The following MFSD6L variants were observed in gnomAD, a reference collection of about 807,000 sequenced individuals.
The protein encoded by MFSD6L is major facilitator superfamily domain containing 6 like, also known as major facilitator superfamily domain-containing protein 6-like.
A neutral mutation model predicts 6.4 loss-of-function variants in MFSD6L; 9 were observed. That is an observed-to-expected ratio of 1.42 (90% confidence interval 0.85 to 2.47). The LOEUF (loss-of-function observed/expected upper bound fraction) is 2.47. MFSD6L is among the 30% of genes most tolerant of loss of function. MFSD6L has a pLI of 0.00. For synonymous variants in MFSD6L, 336 were observed against 322.4 expected (o/e 1.04, Z -0.45); for missense variants, 747 against 730.6 (o/e 1.02, Z -0.26).
In MFSD6L at chr17:8,798,513, A is replaced by C. The variant is rs1324573793; in HGVS notation, c.608T>G (p.Phe203Cys). The part of the protein sequence containing the change: ...GLKDHPWEVT[F>C]EVVKTALPLL... ...GGGGAGGGCTGTCTTGACCACCTCA[A>C]AAGTAACTTCCCAGGGATGATCTTT... Residue 203 changes from phenylalanine to cysteine, a missense_variant, in exon 1 of 1, where the codon TTT becomes TGT. By Grantham distance (205) the Phe-to-Cys change is radical (BLOSUM62 -2). Transcript: ENST00000329805. 2 of 1,612,352 alleles carry C rather than the reference A, an allele frequency of 1.2e-6. No individual in the cohort carries two copies. The highest frequency in any genetic ancestry group is 1.3e-5 in the African/African-American group (1 of 75,020).
Position 8,797,892 on chromosome 17 carries a change from C to A in MFSD6L, c.1229G>T (p.Ser410Ile). The A allele has an allele frequency of 6.2e-7, 1 of 1,614,086 alleles. No homozygotes were observed. The highest frequency in any genetic ancestry group is 1.7e-5 in the Admixed American group (1 of 60,026). The change falls in exon 1 of 1, where the codon AGC (serine) becomes ATC (isoleucine). Residue 410 changes from serine to isoleucine, a missense_variant. Transcript: ENST00000329805. ...ELVMGFSVAL[S>I]LLGEILLHPF... is the part of the protein sequence containing the mutation. ...ATGAAGCAGAATTTCCCCCAGCAAGCTGAGGGCGACCGAGAAACCCATGAC... is the reference window on the plus strand; with the variant it reads ...ATGAAGCAGAATTTCCCCCAGCAAGATGAGGGCGACCGAGAAACCCATGAC...
chr17:8,797,615 A>G lies in MFSD6L; in HGVS notation c.1506T>C (p.Ser502=), dbSNP rs1218364386. ...SALFRGHFYG[S]GCSLGSFVGG... Reference sequence around the variant, plus strand: ...CGACAAAGCTGCCCAGGCTACAGCCACTCCCGTAAAAGTGGCCTCGGAACA... The same window carrying G: ...CGACAAAGCTGCCCAGGCTACAGCCGCTCCCGTAAAAGTGGCCTCGGAACA... The change falls in exon 1 of 1, where the codon AGT becomes AGC. Residue 502 remains serine (S), a synonymous_variant. Coordinates refer to ENST00000329805, the MANE Select transcript of MFSD6L (RefSeq NM_152599.4). 1.2e-6 allele frequency: 2 copies of G among 1,613,230 alleles called. No homozygotes were observed. Among genetic ancestry groups the G allele is most frequent in the Non-Finnish European group, 1.7e-6 (2 of 1,179,958 alleles).
Position 8,798,599 on chromosome 17 carries a change from G to C in MFSD6L, c.522C>G (p.Pro174=). The change falls in exon 1 of 1, where the codon CCC becomes CCG. Residue 174 remains proline, a synonymous_variant. Transcript: ENST00000329805. ...TFRDLHVYLA[P]SVEGARTTSQ... is the part of the protein sequence containing the mutation. Reference sequence around the variant, plus strand: ...ATGTGGTCCTAGCTCCTTCAACGGAGGGCGCTAAGTAGACGTGCAGATCAC... The same window carrying C: ...ATGTGGTCCTAGCTCCTTCAACGGACGGCGCTAAGTAGACGTGCAGATCAC... The C allele has an allele frequency of 6.2e-7, 1 of 1,614,212 alleles. No homozygotes were observed. Among genetic ancestry groups the C allele is most frequent in the Non-Finnish European group, 8.5e-7 (1 of 1,180,042 alleles).
At position 8,798,476 on chromosome 17, in the gene MFSD6L, C is replaced by G; in HGVS notation, c.645G>C (p.Gly215=). Residue 215 remains glycine, a synonymous_variant, in exon 1 of 1, where the codon GGG becomes GGC. Coordinates refer to ENST00000329805, the MANE Select transcript of MFSD6L (RefSeq NM_152599.4). ...TGGCTGGATTCCCGGGCCCTTTCCC[C>G]CCAGGAAGCAAGGGGAGGGCTGTCT... ...VVKTALPLLP[G]GKGPGNPANL... is the part of the protein sequence containing the mutation. 2 of 1,607,376 alleles carry G rather than the reference C, an allele frequency of 1.2e-6. No homozygotes were observed. The highest frequency in any genetic ancestry group is 2.2e-5 in the South Asian group (2 of 90,270).
In MFSD6L at chr17:8,798,367, A is replaced by G. The variant is rs1567554238; in HGVS notation, c.754T>C (p.Ser252Pro). ...GTCAGCAGCTCCCAGAACGCCACGG[A>G]CCCCAAGGAGAGGATAAAAGTCCGC... ...LRRTFILSLG[S>P]VAFWELLTAP... Residue 252 changes from serine to proline, a missense_variant, in exon 1 of 1, where the codon TCC becomes CCC. Physicochemically the swap from Ser to Pro is moderately conservative, Grantham distance 74. Coordinates refer to ENST00000329805, the MANE Select transcript of MFSD6L (RefSeq NM_152599.4). 1 of 1,612,546 alleles carries G rather than the reference A, an allele frequency of 6.2e-7. No individual in the cohort carries two copies. Among genetic ancestry groups the G allele is most frequent in the South Asian group, 1.1e-5 (1 of 91,056 alleles).
Position 8,798,078 on chromosome 17 carries a change from T to C in MFSD6L, c.1043A>G (p.Gln348Arg). ...SIAFPIPICQQWEPSYKRVKA... is the reference protein window; with the variant it reads ...SIAFPIPICQRWEPSYKRVKA... The stretch of plus-strand genomic sequence containing the variant: ...GACCCTTTTGTAGCTGGGCTCCCAC[T>C]GCTGACAGATGGGAATGGGAAAGGC... The change falls in exon 1 of 1, where the codon CAG (glutamine) becomes CGG (arginine). Residue 348 changes from glutamine to arginine, a missense_variant. Transcript: ENST00000329805. 4 of 1,613,950 alleles carry C rather than the reference T, an allele frequency of 2.5e-6. No homozygotes were observed. Among genetic ancestry groups the C allele is most frequent in the Non-Finnish European group, 3.4e-6 (4 of 1,179,978 alleles).
At position 8,797,497 on chromosome 17, in the gene MFSD6L, G is replaced by C. The variant is rs1290098461; in HGVS notation, c.1624C>G (p.Gln542Glu). The change falls in exon 1 of 1, where the codon CAG becomes GAG. Residue 542 changes from glutamine (Q) to glutamate (E), a missense_variant. Physicochemically the swap from Gln to Glu is conservative, Grantham distance 29. Transcript: ENST00000329805. ...LLWLALLLSI[Q>E]RRLPRERKIK... ...TTCCGCTCTCGGGGCAGCCTCCGCT[G>C]TATGGACAGGAGCAAGGCCAACCAG... 2 of 1,614,148 alleles carry C rather than the reference G, an allele frequency of 1.2e-6. No homozygotes were observed. The highest frequency in any genetic ancestry group is 1.7e-6 in the Non-Finnish European group (2 of 1,180,014).
rs1307054076 is a variant in MFSD6L, at chr17:8,798,112, C to T, written c.1009G>A (p.Val337Met). 1.2e-6 allele frequency: 2 copies of T among 1,614,034 alleles called. No homozygotes were observed. The highest frequency in any genetic ancestry group is 8.5e-7 in the Non-Finnish European group (1 of 1,180,002). Reference protein sequence around the residue: ...YSVVSTLALLVSIAFPIPICQ... With the variant: ...YSVVSTLALLMSIAFPIPICQ... ...ATGGGAATGGGAAAGGCAATGCTCA[C>T]CAGTAAGGCCAGGGTGCTGACCACC... The change falls in exon 1 of 1, where the codon GTG becomes ATG. Residue 337 changes from valine (V) to methionine (M), a missense_variant. Physicochemically the swap from Val to Met is conservative, Grantham distance 21. Transcript: ENST00000329805.
In MFSD6L at chr17:8,798,619, G is replaced by C; in HGVS notation, c.502C>G (p.Leu168Val). Reference protein sequence around the residue: ...GESDRETFRDLHVYLAPSVEG... With the variant: ...GESDRETFRDVHVYLAPSVEG... Reference sequence around the variant, plus strand: ...ACGGAGGGCGCTAAGTAGACGTGCAGATCACGGAAAGTTTCTCGGTCACTT... The same window carrying C: ...ACGGAGGGCGCTAAGTAGACGTGCACATCACGGAAAGTTTCTCGGTCACTT... The change falls in exon 1 of 1, where the codon CTG becomes GTG. Residue 168 changes from leucine (L) to valine (V), a missense_variant. Leu to Val is a conservative substitution (Grantham distance 32). Coordinates refer to ENST00000329805, the MANE Select transcript of MFSD6L (RefSeq NM_152599.4). The C allele has an allele frequency of 6.2e-7, 1 of 1,614,194 alleles. No homozygotes were observed. Among genetic ancestry groups the C allele is most frequent in the Non-Finnish European group, 8.5e-7 (1 of 1,180,046 alleles).
rs764711132 is a variant in MFSD6L at position 8,798,929 on chromosome 17, G to C, written c.192C>G (p.Pro64=). 2 of 1,613,846 alleles carry C rather than the reference G, an allele frequency of 1.2e-6. No individual in the cohort carries two copies. Among genetic ancestry groups the C allele is most frequent in the Non-Finnish European group, 1.7e-6 (2 of 1,179,862 alleles). Residue 64 remains proline (P), a synonymous_variant, in exon 1 of 1, where the codon CCC becomes CCG. Transcript: ENST00000329805. ...TKHLIAAFWA[P]VCAFLAKSYR... ...AGCTTTTGGCCAGGAAGGCACAGAC[G>C]GGAGCCCAGAAGGCAGCGATTAGGT...
rs1477232298 is a variant in MFSD6L at position 8,798,131 on chromosome 17, G to A, written c.990C>T (p.Val330=). ...TGCTCACCAGTAAGGCCAGGGTGCT[G>A]ACCACCGAGTACCCATAGAAGTGGA... ...GVVHFYGYSV[V]STLALLVSIA... The change falls in exon 1 of 1, where the codon GTC becomes GTT. Residue 330 remains valine, a synonymous_variant. Transcript: ENST00000329805. 2 of 1,613,754 alleles carry A rather than the reference G, an allele frequency of 1.2e-6. No individual in the cohort carries two copies. Among genetic ancestry groups the A allele is most frequent in the African/African-American group, 2.7e-5 (2 of 74,878 alleles).
Position 8,798,926 on chromosome 17 carries a change from G to C in MFSD6L, c.195C>G (p.Val65=), listed in dbSNP as rs753455965. The C allele has an allele frequency of 1.2e-6, 2 of 1,613,962 alleles. No homozygotes were observed. The highest frequency in any genetic ancestry group is 1.7e-6 in the Non-Finnish European group (2 of 1,179,914). ...KHLIAAFWAP[V]CAFLAKSYRK... ...GGTAGCTTTTGGCCAGGAAGGCACAGACGGGAGCCCAGAAGGCAGCGATTA... is the reference window on the plus strand; with the variant it reads ...GGTAGCTTTTGGCCAGGAAGGCACACACGGGAGCCCAGAAGGCAGCGATTA... The change falls in exon 1 of 1, where the codon GTC becomes GTG. Residue 65 remains valine (V), a synonymous_variant. Transcript: ENST00000329805.
In MFSD6L at chr17:8,797,519, C is replaced by G. The variant is rs764074393; in HGVS notation, c.1602G>C (p.Trp534Cys). The change falls in exon 1 of 1, where the codon TGG becomes TGC. Residue 534 changes from tryptophan to cysteine, a missense_variant. Transcript: ENST00000329805. Reference protein sequence around the residue: ...YQACCVALLLWLALLLSIQRR... With the variant: ...YQACCVALLLCLALLLSIQRR... ...GCTGTATGGACAGGAGCAAGGCCAACCAGAGCAACAGGGCCACACAGCAGG... is the reference window on the plus strand; with the variant it reads ...GCTGTATGGACAGGAGCAAGGCCAAGCAGAGCAACAGGGCCACACAGCAGG... 6.2e-7 allele frequency: 1 copy of G among 1,614,062 alleles called. No homozygotes were observed. Among genetic ancestry groups the G allele is most frequent in the Admixed American group, 1.7e-5 (1 of 60,014 alleles).
Position 8,799,247 on chromosome 17 carries a change from G to T in MFSD6L, c.-127C>A. ...TCGGAGCGAGTGGGACTGCGCCCCC[G>T]GTCTGGGGCGGCGCCGCGGTCACCA... is the stretch of plus-strand genomic sequence containing the variant. On this transcript the variant is annotated 5_prime_UTR_variant, in exon 1 of 1. Transcript: ENST00000329805. This position sits in a 1 kb window ranked among gnomAD's most constrained non-coding sequence, Gnocchi z 5.3. 2.6e-6 allele frequency: 2 copies of T among 771,784 alleles called. No homozygotes were observed. Among genetic ancestry groups the T allele is most frequent in the Non-Finnish European group, 3.7e-6 (2 of 536,424 alleles). The allele number at this position is 771,784 out of a possible 1,614,324, so 47.8% of individuals were successfully genotyped here. A position where few individuals can be genotyped will look rare whatever the true frequency, so the allele number is the denominator to read the frequency against.
In MFSD6L at chr17:8,797,753, G is replaced by T; in HGVS notation, c.1368C>A (p.Ser456=). The change falls in exon 1 of 1, where the codon TCC becomes TCA. Residue 456 remains serine (S), a synonymous_variant. Transcript: ENST00000329805. ...LYYSFLWSWW[S]VLPIQILSAI... ...CACTCAAGATCTGAATGGGGAGGACGGACCACCAGCTCCAGAGGAAAGAGT... is the reference window on the plus strand; with the variant it reads ...CACTCAAGATCTGAATGGGGAGGACTGACCACCAGCTCCAGAGGAAAGAGT... 6.2e-7 allele frequency: 1 copy of T among 1,613,994 alleles called. No homozygotes were observed. Among genetic ancestry groups the T allele is most frequent in the Non-Finnish European group, 8.5e-7 (1 of 1,180,036 alleles).
At position 8,798,602 on chromosome 17, in the gene MFSD6L, C is replaced by A. The variant is rs779896310; in HGVS notation, c.519G>T (p.Ala173=). The A allele has an allele frequency of 1.2e-6, 2 of 1,614,146 alleles. No individual in the cohort carries two copies. Among genetic ancestry groups the A allele is most frequent in the Non-Finnish European group, 1.7e-6 (2 of 1,180,036 alleles). ...TGGTCCTAGCTCCTTCAACGGAGGGCGCTAAGTAGACGTGCAGATCACGGA... is the reference window on the plus strand; with the variant it reads ...TGGTCCTAGCTCCTTCAACGGAGGGAGCTAAGTAGACGTGCAGATCACGGA... ...ETFRDLHVYL[A]PSVEGARTTS... Residue 173 remains alanine (A), a synonymous_variant, in exon 1 of 1, where the codon GCG becomes GCT. Transcript: ENST00000329805.
In MFSD6L at chr17:8,798,497, T is replaced by C; in HGVS notation, c.624A>G (p.Thr208=). The C allele has an allele frequency of 6.2e-7, 1 of 1,609,088 alleles. No homozygotes were observed. Among genetic ancestry groups the C allele is most frequent in the Middle Eastern group, 1.7e-4 (1 of 6,034 alleles). The part of the protein sequence containing the change: ...PWEVTFEVVK[T]ALPLLPGGKG... ...TCCCCCCAGGAAGCAAGGGGAGGGC[T>C]GTCTTGACCACCTCAAAAGTAACTT... The change falls in exon 1 of 1, where the codon ACA becomes ACG. Residue 208 remains threonine, a synonymous_variant. Coordinates refer to ENST00000329805, the MANE Select transcript of MFSD6L (RefSeq NM_152599.4).
Position 8,799,082 on chromosome 17 carries a change from C to G in MFSD6L, c.39G>C (p.Leu13=), listed in dbSNP as rs746008932. Residue 13 remains leucine, a synonymous_variant, in exon 1 of 1, where the codon CTG becomes CTC. Transcript: ENST00000329805. This position sits in a 1 kb window ranked among gnomAD's most constrained non-coding sequence, Gnocchi z 5.3. ...ANPRWDISRA[L]GVAKLFHLVC... ...CCAGGTGGAAGAGCTTGGCCACCCC[C>G]AGCGCCCTGCTGATGTCCCACCGGG... The G allele has an allele frequency of 6.3e-7, 1 of 1,589,262 alleles. No homozygotes were observed.
In MFSD6L at chr17:8,798,898, T is replaced by TC. The variant is rs1285668657; in HGVS notation, c.222dup (p.Lys75GlufsTer36). ...GAGCCGATCAGAAGCGCTCTCCTTT[T>TC]CCGGTAGCTTTTGGCCAGGAAGGCA... On this transcript the variant is annotated frameshift_variant, in exon 1 of 1. Transcript: ENST00000329805. LOFTEE classifies it low-confidence loss of function (END_TRUNC). The TC allele has an allele frequency of 1.9e-6, 3 of 1,613,910 alleles. No homozygotes were observed. Among genetic ancestry groups the TC allele is most frequent in the Non-Finnish European group, 2.5e-6 (3 of 1,179,924 alleles).
Sources: allele counts gnomAD v4.1 joint callset, GRCh38; gene constraint gnomAD v4.1.1; non-coding constraint Gnocchi (gnomAD v3.1); transcripts MANE v1.5; gene names NCBI Gene and HGNC (gene_info 2026-07-23, HGNC 2026-07-21).